The following OSTN variants were observed in gnomAD, a reference collection of about 807,000 sequenced individuals.
OSTN encodes osteocrin.
OSTN carries 9 observed loss-of-function variants against 12.0 expected under a neutral mutation model. That is an observed-to-expected ratio of 0.75 (90% CI 0.45 to 1.30). The LOEUF is 1.30. OSTN is among the 50% of genes most tolerant of loss of function. The pLI, the probability that OSTN is intolerant of heterozygous loss-of-function variation, is 0.00. For missense variants in OSTN, 148 were observed against 152.3 expected (o/e 0.97, Z 0.15); for synonymous variants, 59 against 56.9 (o/e 1.04, Z -0.16).
intron 1 of OSTN, among the ~76,000 whole-genome samples, chr3:191,203,211 A>G (rs1714190836): frequency 6.6e-6 from 1 of 152,184 alleles, no homozygotes. Flanking sequence ...CTTCCACATA[A>G]GGCTGCTCCA....
rs545866304 is a variant in OSTN at position 191,230,261 on chromosome 3, T to C, written c.317+11300T>C. Among the ~76,000 whole-genome samples the C allele has an allele frequency of 5.3e-5, 8 of 151,676 alleles. No individual in the cohort carries two copies. In the South Asian group the frequency reaches 6.3e-4, roughly 12 times the overall value. ...ATCATGTGGGAGATGGCTTAGGGGC[T>C]TAAACATTAAGGGCACATTCTTGGC... On this transcript the variant is annotated intron_variant, in intron 3 of 4. Transcript: ENST00000682035.
intron 1 of OSTN, 55 bp from the exon 2 acceptor site, chr3:191,212,478 T>G (rs1714482870): frequency 5.7e-6 from 7 of 1,233,708 alleles, no homozygotes; most frequent in Non-Finnish European, 6.7e-6. Flanking sequence ...ACTTCTGTTT[T>G]TTGTCTTTAC....
intron 2 of OSTN, among the ~76,000 whole-genome samples, chr3:191,215,411 A>G (rs1006884330): frequency 6.6e-6 from 1 of 152,100 alleles, no homozygotes; most frequent in Non-Finnish European, 1.5e-5. Context: ...TCAAAACACA[A>G]TCATGCCTTC....
At chr3:191,228,652 A>G (rs1469208474) in intron 3 of OSTN, 1 of 152,222 alleles carries the variant, frequency 6.6e-6, no homozygotes, top group Non-Finnish European at 1.5e-5. Context: ...AAATCTTTAG[A>G]AAATACTAGT....
intron 3 of OSTN, among the ~76,000 whole-genome samples, chr3:191,231,600 GTT>G (rs1468885473): frequency 1.3e-5 from 2 of 152,120 alleles, no homozygotes; most frequent in Non-Finnish European, 1.5e-5. Flanking sequence ...GGAATTATTT[GTT>G]AGTGTTATAC....
rs1184492787 is a variant in OSTN at position 191,209,961 on chromosome 3, G to A, written c.1-2572G>A. ...TCTGTCAGTTTTATGGCAGCTACCTGTATTAGTCCATTCTCACACTGCTAT... is the reference window on the plus strand; with the variant it reads ...TCTGTCAGTTTTATGGCAGCTACCTATATTAGTCCATTCTCACACTGCTAT... On this transcript the variant is annotated intron_variant, in intron 1 of 4. Coordinates refer to ENST00000682035, the MANE Select transcript of OSTN (RefSeq NM_198184.2). Among the ~76,000 whole-genome samples, 4 of 152,248 alleles carry A rather than the reference G, an allele frequency of 2.6e-5. No individual in the cohort carries two copies. In the East Asian group the frequency reaches 7.7e-4, roughly 29 times the overall value.
chr3:191,220,688 C>T (rs956127383), intron 3 of OSTN, among the ~76,000 whole-genome samples: 5 of 151,986 alleles, frequency 3.3e-5, no homozygotes, highest in East Asian at 1.9e-4. Flanking sequence ...AGAAGAACAT[C>T]GGCATCCAAA....
intron 3 of OSTN, among the ~76,000 whole-genome samples, chr3:191,225,092 G>T (rs1181120510): frequency 1.3e-5 from 2 of 151,686 alleles, no homozygotes; most frequent in Non-Finnish European, 2.9e-5. Flanking sequence ...GCTTACTTAA[G>T]AAAAAAGTAG....
intron 4 of OSTN, among the ~76,000 whole-genome samples, chr3:191,257,185 C>CAAAAA (rs71175391): frequency 1.5e-4 from 11 of 72,184 alleles, no homozygotes; most frequent in African/African-American, 4.1e-4. Flanking sequence ...AACCCTCTCT[C>CAAAAA]AAAAAAAAAA....
intron 4 of OSTN, among the ~76,000 whole-genome samples, chr3:191,262,590 G>A (rs6773528): frequency 0.46 from 70,308 of 152,080 alleles, 17,247 homozygotes; most frequent in Non-Finnish European, 0.54. Context: ...TGGTACTTGA[G>A]GAAAGGAGCT....
intron 3 of OSTN, among the ~76,000 whole-genome samples, chr3:191,249,396 T>C (rs1306757224): frequency 6.6e-6 from 1 of 152,230 alleles, no homozygotes. Flanking sequence ...CTGGAAGTTA[T>C]ATTAGACCTT....
intron 4 of OSTN, among the ~76,000 whole-genome samples, chr3:191,253,188 T>C (rs1715598947): frequency 6.6e-6 from 1 of 152,246 alleles, no homozygotes; most frequent in South Asian, 2.1e-4. Flanking sequence ...ACAAAAATCT[T>C]TGTTTCACTT....
In OSTN at chr3:191,263,952, A is replaced by G. The variant is rs1414868571; in HGVS notation, c.*1099A>G. The G allele has an allele frequency of 2.2e-5, 1 of 45,842 alleles. No individual in the cohort carries two copies. The highest frequency in any genetic ancestry group is 7.0e-5 in the Non-Finnish European group (1 of 14,244). 2.8% of individuals were successfully genotyped at this position (45,842 alleles called of 1,614,324 possible). ...ATTGGATATACTTTGAAAACACACA[A>G]AAAAAACTTTCTATGGAACAGAGAT... On this transcript the variant is annotated 3_prime_UTR_variant, in exon 5 of 5. Coordinates refer to ENST00000682035, the MANE Select transcript of OSTN (RefSeq NM_198184.2).
At chr3:191,250,201 A>C in intron 4 of OSTN, 68 bp downstream of exon 4, 1 of 1,205,844 alleles carries the variant, frequency 8.3e-7, no homozygotes, top group South Asian at 1.3e-5. Context: ...TGGACTAATC[A>C]ATCCATTCTT....
intron 4 of OSTN, among the ~76,000 whole-genome samples, chr3:191,255,708 C>A (rs1488730018): frequency 6.6e-6 from 1 of 150,824 alleles, no homozygotes; most frequent in African/African-American, 2.4e-5. Flanking sequence ...ATAAATAGCC[C>A]TAAAAAAAGT....
intron 1 of OSTN, among the ~76,000 whole-genome samples, chr3:191,208,697 G>A (rs986290481): frequency 2.6e-5 from 4 of 152,054 alleles, no homozygotes; most frequent in African/African-American, 9.7e-5. Flanking sequence ...GGAGAAACCT[G>A]GTTAGTGAAA....
In OSTN at chr3:191,223,207, G is replaced by A. The variant is rs77751036; in HGVS notation, c.317+4246G>A. Among the ~76,000 whole-genome samples, 440 of 152,154 alleles carry A rather than the reference G, an allele frequency of 2.9e-3. 6 individuals carry two copies. The highest frequency in any genetic ancestry group is 0.01 in the African/African-American group (425 of 41,492). On this transcript the variant is annotated intron_variant, in intron 3 of 4. Transcript: ENST00000682035. ...TAGCTCAGCTTGCAAGAAAAAAGGG[G>A]AAATTAGCAAGCGTTTAATAGCCAT...
At chr3:191,257,236 C>G (rs1445840401) in intron 4 of OSTN, among the ~76,000 whole-genome samples, 1 of 149,014 alleles carries the variant, frequency 6.7e-6, no homozygotes, top group Non-Finnish European at 1.5e-5. Flanking sequence ...ATTTACATGC[C>G]TTTTTATAAT....
chr3:191,230,905 C>T (rs16866350), intron 3 of OSTN, among the ~76,000 whole-genome samples: 9,117 of 152,218 alleles, frequency 0.06, 378 homozygotes, highest in Middle Eastern at 0.19. Flanking sequence ...TTACCTTCAC[C>T]TCCAACTATT....
Sources: gnomAD v4.1 joint callset for allele counts (sites outside exome capture counted in the v4.1 genomes callset) on GRCh38, gnomAD v4.1.1 for gene constraint, MANE v1.5 for transcripts, NCBI Gene and HGNC (gene_info 2026-07-23, HGNC 2026-07-21) for gene names.